SLC25A48: variants seen among roughly 807,000 people sequenced by gnomAD.
SLC25A48 encodes the protein solute carrier family 25 member 48.
Under a neutral mutation model 32.2 loss-of-function variants are expected in SLC25A48, and 29 were observed. The ratio of observed to expected loss-of-function variants is 0.90; its 90% CI spans 0.67 to 1.23. The LOEUF is 1.23. Among genes scored for constraint, SLC25A48 ranks in the 50% most tolerant of loss-of-function variants. The probability of loss-of-function intolerance (pLI) is 0.00; values close to 1 mark genes in which losing one functional copy is unlikely to be tolerated. For missense variants in SLC25A48, 399 were observed against 422.7 expected (o/e 0.94, Z 0.49); for synonymous variants, 164 against 172.3 (o/e 0.95, Z 0.38).
chr5:135,725,454 C>G (rs575234306), intron 3 of SLC25A48, among the ~76,000 whole-genome samples: 1 of 152,126 alleles, frequency 6.6e-6, no homozygotes, highest in Non-Finnish European at 1.5e-5. Flanking sequence ...AGGTGGGAAA[C>G]AGCTAGGCAA....
chr5:135,883,506 A>C (rs1762614952), intron 7 of SLC25A48: 2 of 979,692 alleles, frequency 2.0e-6, no homozygotes, highest in Non-Finnish European at 2.4e-6. Context: ...GCACCTGGCC[A>C]CTGTCATTCC....
At chr5:135,768,594 G>A (rs1756310928) in intron 3 of SLC25A48, among the ~76,000 whole-genome samples, 3 of 151,504 alleles carry the variant, frequency 2.0e-5, no homozygotes, top group Non-Finnish European at 1.5e-5. Context: ...GAAGAGGAGC[G>A]GATGATGATA....
intron 4 of SLC25A48, among the ~76,000 whole-genome samples, chr5:135,862,590 A>G (rs1048502876): frequency 3.3e-5 from 5 of 152,210 alleles, no homozygotes; most frequent in African/African-American, 9.6e-5. Context: ...TCAATGAGAA[A>G]GGCCTCAGGA....
chr5:135,733,174 G>C (rs1399873633), intron 3 of SLC25A48, among the ~76,000 whole-genome samples: 1 of 152,190 alleles, frequency 6.6e-6, no homozygotes, highest in Non-Finnish European at 1.5e-5. Flanking sequence ...AGGTAATGGA[G>C]GGGGGCAGAG....
intron 3 of SLC25A48, among the ~76,000 whole-genome samples, chr5:135,669,801 C>T (rs1180962856): frequency 1.3e-5 from 2 of 152,188 alleles, no homozygotes; most frequent in Non-Finnish European, 2.9e-5. Context: ...TCTGTGTTCC[C>T]TGGGCAATGG....
In SLC25A48 at chr5:135,835,131, GATC is replaced by G. The variant is rs1479596981; in HGVS notation, c.46+239_46+241del. The G allele has an allele frequency of 1.0e-5, 7 of 699,030 alleles. No individual in the cohort carries two copies. In the African/African-American group the frequency reaches 1.2e-4, roughly 12 times the overall value. 43.3% of individuals were successfully genotyped at this position (699,030 alleles called of 1,614,324 possible). ...GCTTCTGATTTGCTCATTAAGTTAG[GATC>G]CGTGGGACTTGATGAGGTAATGATT... On this transcript the variant is annotated intron_variant, in intron 1 of 7. Coordinates refer to ENST00000681962, the MANE Select transcript of SLC25A48 (RefSeq NM_001349336.2).
At chr5:135,582,079 A>G (rs557722929) in intron 1 of SLC25A48, among the ~76,000 whole-genome samples, 48 of 152,234 alleles carry the variant, frequency 3.2e-4, no homozygotes, top group Non-Finnish European at 6.0e-4. Context: ...ATGTCAACAC[A>G]TTCATGGTCA....
intron 2 of SLC25A48, among the ~76,000 whole-genome samples, chr5:135,845,354 G>A (rs1267902418): frequency 6.6e-6 from 1 of 152,224 alleles, no homozygotes; most frequent in East Asian, 1.9e-4. Flanking sequence ...GGCCACAGTT[G>A]CCTGAAAAGG....
intron 3 of SLC25A48, among the ~76,000 whole-genome samples, chr5:135,796,035 T>C (rs1757166104): frequency 6.7e-6 from 1 of 149,018 alleles, no homozygotes; most frequent in Non-Finnish European, 1.5e-5. Flanking sequence ...AACTGCCCAC[T>C]TATGATATTG....
chr5:135,595,214 C>T (rs769736607), intron 1 of SLC25A48, among the ~76,000 whole-genome samples: 2 of 152,198 alleles, frequency 1.3e-5, no homozygotes, highest in Non-Finnish European at 1.5e-5. Context: ...TCATGCAGCC[C>T]CTGTCACTTG....
At chr5:135,789,836 A>G (rs1009217476) in intron 3 of SLC25A48, among the ~76,000 whole-genome samples, 2 of 152,160 alleles carry the variant, frequency 1.3e-5, no homozygotes, top group South Asian at 2.1e-4. Flanking sequence ...GGAATAAGCT[A>G]TAACAGTTTC....
intron 3 of SLC25A48, among the ~76,000 whole-genome samples, chr5:135,764,875 C>T (rs57140378): frequency 0.3 from 45,858 of 150,934 alleles, 7,081 homozygotes; most frequent in East Asian, 0.46. Flanking sequence ...CTTCCCATAT[C>T]GCAGGGGGTG....
intron 3 of SLC25A48, among the ~76,000 whole-genome samples, chr5:135,683,358 G>T (rs1252914748): frequency 6.6e-6 from 1 of 152,160 alleles, no homozygotes; most frequent in Non-Finnish European, 1.5e-5. Context: ...TGGGCCCCCA[G>T]GATCTGCTCT....
At chr5:135,606,320 G>C (rs559958160) in intron 1 of SLC25A48, among the ~76,000 whole-genome samples, 2 of 152,190 alleles carry the variant, frequency 1.3e-5, no homozygotes, top group Non-Finnish European at 2.9e-5. Context: ...CCCCAGAAAT[G>C]ATAATAGTTT....
In SLC25A48 at chr5:135,718,755, G is replaced by T. The variant is rs369495178; in HGVS notation, c.-521+83799G>T. The stretch of plus-strand genomic sequence containing the variant: ...CCTGAAGAAAAACCAATCCCCAAGG[G>T]TTACTTACTGTATGATTCCATTTAT... On this transcript the variant is annotated intron_variant, in intron 3 of 10. Coordinates refer to the SLC25A48 transcript ENST00000646290. Among the ~76,000 whole-genome samples, 67 of 151,938 alleles carry T rather than the reference G, an allele frequency of 4.4e-4. 1 individual carries two copies. In the South Asian group the frequency reaches 0.013, roughly 29 times the overall value.
rs137922614 is a variant in SLC25A48 at position 135,623,613 on chromosome 5, T to C, written c.-848-5624T>C. 3.8e-3 allele frequency among the ~76,000 whole-genome samples: 578 copies of C among 152,284 alleles called. 3 individuals carry two copies. Among genetic ancestry groups the C allele is most frequent in the African/African-American group, 0.013 (554 of 41,552 alleles). On this transcript the variant is annotated intron_variant, in intron 1 of 10. Coordinates refer to the SLC25A48 transcript ENST00000646290. ...AGTAGTCTGAGCCTCAGGCTGCCCT[T>C]CTATAAACACGTTCCCCATTGGTAA...
At chr5:135,854,698 G>T (rs1186262461) in intron 4 of SLC25A48, among the ~76,000 whole-genome samples, 3 of 152,168 alleles carry the variant, frequency 2.0e-5, no homozygotes. Flanking sequence ...CAGCAATAAG[G>T]ATATTTCACT....
intron 1 of SLC25A48, among the ~76,000 whole-genome samples, chr5:135,610,689 T>C (rs1752043955): frequency 6.6e-6 from 1 of 152,256 alleles, no homozygotes; most frequent in Non-Finnish European, 1.5e-5. Context: ...AGCATGATTA[T>C]GTTTACTTTC....
chr5:135,603,609 C>T (rs1751857752), intron 1 of SLC25A48, among the ~76,000 whole-genome samples: 1 of 152,224 alleles, frequency 6.6e-6, no homozygotes, highest in Admixed American at 6.5e-5. Flanking sequence ...GCCTGACCTC[C>T]TCAAGTGCAG....
Sources: allele counts gnomAD v4.1 joint callset (sites outside exome capture counted in the v4.1 genomes callset), GRCh38; gene constraint gnomAD v4.1.1; transcripts MANE v1.5; gene names NCBI Gene and HGNC (gene_info 2026-07-23, HGNC 2026-07-21).